AGBL3: variants seen among roughly 807,000 people sequenced by gnomAD.
The protein encoded by AGBL3 is AGBL carboxypeptidase 3.
AGBL3 carries 68 observed loss-of-function variants against 94.5 expected under a neutral mutation model. The observed-to-expected ratio is 0.72, with a 90% CI of 0.59 to 0.88. AGBL3 has a LOEUF of 0.88. AGBL3 is among the 40% of genes least tolerant of loss of function. The pLI, the probability that AGBL3 is intolerant of heterozygous loss-of-function variation, is 0.00. For synonymous variants in AGBL3, 354 were observed against 370.7 expected (o/e 0.95, Z 0.52); for missense variants, 934 against 1,103.8 (o/e 0.85, Z 2.18).
chr7:135,109,547 T>A (rs1370546953), intron 15 of AGBL3, among the ~76,000 whole-genome samples: 1 of 152,064 alleles, frequency 6.6e-6, no homozygotes, highest in African/African-American at 2.4e-5. Flanking sequence ...CACCTCGGAT[T>A]TTTCAGCACC....
At chr7:135,003,980 ATATT>A (rs1422640087) in intron 4 of AGBL3, among the ~76,000 whole-genome samples, 1 of 151,548 alleles carries the variant, frequency 6.6e-6, no homozygotes, top group Non-Finnish European at 1.5e-5. Context: ...CTGTCAAAAA[ATATT>A]TAATAATGTT....
intron 4 of AGBL3, 141 bp downstream of exon 4, chr7:134,993,819 TTTGC>T: frequency 1.3e-6 from 1 of 798,668 alleles, no homozygotes; most frequent in Non-Finnish European, 1.8e-6. Context: ...TAATTTTAAA[TTTGC>T]TTGTAGCCAC....
intron 15 of AGBL3, among the ~76,000 whole-genome samples, chr7:135,084,674 T>G (rs538583289): frequency 6.6e-6 from 1 of 152,258 alleles, no homozygotes; most frequent in Admixed American, 6.5e-5. Context: ...TGACAGAATT[T>G]TGTTCTTTTT....
chr7:135,121,064 G>C (rs977340855), intron 16 of AGBL3, among the ~76,000 whole-genome samples: 1 of 152,142 alleles, frequency 6.6e-6, no homozygotes, highest in Non-Finnish European at 1.5e-5. Context: ...AATTAGCCGG[G>C]TGTGGTGTCT....
chr7:135,034,404 C>G lies in AGBL3; in HGVS notation c.813C>G (p.Gly271=). The change falls in exon 7 of 17, where the codon GGC becomes GGG. Residue 271 remains glycine, a synonymous_variant. Coordinates refer to ENST00000436302, the MANE Select transcript of AGBL3 (RefSeq NM_178563.4). The part of the protein sequence containing the change: ...DQIKYYRNNP[G]QDGRHYFSLT... ...TCAAGTATTATAGGAACAACCCAGG[C>G]CAAGATGGGCGCCATTATTTCTCTC... The G allele has an allele frequency of 6.4e-7, 1 of 1,551,670 alleles. No individual in the cohort carries two copies. The highest frequency in any genetic ancestry group is 1.4e-5 in the African/African-American group (1 of 73,158).
Position 135,115,421 on chromosome 7 carries a change from T to C in AGBL3, c.2152T>C (p.Ser718Pro), listed in dbSNP as rs1376072864. ...AAAAAGCAAAATAAAAGAATGCATA[T>C]CTTTCCAAAGCAAGAAGACTGGCAT... ...NLKSKIKECI[S>P]FQSKKTGINW... is the part of the protein sequence containing the mutation. Residue 718 changes from serine to proline, a missense_variant, in exon 16 of 17, where the codon TCT becomes CCT. Coordinates refer to ENST00000436302, the MANE Select transcript of AGBL3 (RefSeq NM_178563.4). 4 of 1,551,252 alleles carry C rather than the reference T, an allele frequency of 2.6e-6. No homozygotes were observed. The Admixed American group carries it at 7.8e-5, about 30-fold the overall frequency.
chr7:135,048,524 TC>T (rs1817583086), intron 11 of AGBL3, among the ~76,000 whole-genome samples: 2 of 152,002 alleles, frequency 1.3e-5, no homozygotes, highest in African/African-American at 4.8e-5. Flanking sequence ...TTCTTTAATT[TC>T]TTTTATCAAT....
chr7:135,105,504 CTTGT>C (rs1467500367), intron 15 of AGBL3, among the ~76,000 whole-genome samples: 6 of 152,168 alleles, frequency 3.9e-5, no homozygotes, highest in African/African-American at 1.4e-4. Flanking sequence ...TTCCCCATTG[CTTGT>C]TTTTGTCAGA....
chr7:135,102,888 T>G (rs1345280816), intron 15 of AGBL3, among the ~76,000 whole-genome samples: 1 of 152,130 alleles, frequency 6.6e-6, no homozygotes. Context: ...CAAATAGTAC[T>G]CATAAACACC....
intron 12 of AGBL3, among the ~76,000 whole-genome samples, chr7:135,067,253 T>G (rs1584989569): frequency 6.6e-6 from 1 of 152,198 alleles, no homozygotes; most frequent in Non-Finnish European, 1.5e-5. Flanking sequence ...TCGAACTGGG[T>G]TGAGCCCACC....
chr7:135,105,362 G>A (rs564085942), intron 15 of AGBL3, among the ~76,000 whole-genome samples: 4 of 152,160 alleles, frequency 2.6e-5, no homozygotes, highest in East Asian at 1.9e-4. Context: ...AGGCCACTGC[G>A]CCCAACCTAC....
intron 11 of AGBL3, 149 bp from the exon 12 acceptor site, chr7:135,059,020 G>C: frequency 5.0e-6 from 3 of 601,910 alleles, no homozygotes; most frequent in Non-Finnish European, 8.6e-6. Flanking sequence ...GCCTCCCAAA[G>C]TACTCGGATT....
At chr7:135,109,397 C>G (rs1404105089) in intron 15 of AGBL3, among the ~76,000 whole-genome samples, 1 of 151,642 alleles carries the variant, frequency 6.6e-6, no homozygotes, top group Non-Finnish European at 1.5e-5. Flanking sequence ...CTCGATAGCC[C>G]CAGCAAGGAG....
At chr7:135,133,138 CAAGAT>C (rs1829028843) in intron 16 of AGBL3, among the ~76,000 whole-genome samples, 2 of 151,748 alleles carry the variant, frequency 1.3e-5, no homozygotes, top group Non-Finnish European at 2.9e-5. Flanking sequence ...CCTCAGAATA[CAAGAT>C]AAATGTACAA....
At chr7:134,995,875 A>C (rs1469261421) in intron 4 of AGBL3, among the ~76,000 whole-genome samples, 3 of 152,170 alleles carry the variant, frequency 2.0e-5, no homozygotes, top group Admixed American at 6.5e-5. Flanking sequence ...GCTGGTCCTC[A>C]AGCCAACTGG....
At chr7:134,992,148 G>A (rs1003258213) in intron 3 of AGBL3, among the ~76,000 whole-genome samples, 2 of 152,202 alleles carry the variant, frequency 1.3e-5, no homozygotes, top group East Asian at 3.8e-4. Flanking sequence ...TTTTACATGT[G>A]GTTGCTGGAT....
chr7:135,073,511 T>C (rs28864977), intron 12 of AGBL3, among the ~76,000 whole-genome samples: 2,764 of 49,628 alleles, frequency 0.056, 51 homozygotes, highest in Middle Eastern at 0.087. Context: ...AATAAATAAA[T>C]AAACCTTGCA....
intron 16 of AGBL3, among the ~76,000 whole-genome samples, chr7:135,129,864 A>T (rs1828480366): frequency 6.6e-6 from 1 of 152,230 alleles, no homozygotes; most frequent in East Asian, 1.9e-4. Flanking sequence ...GGGTGCATTC[A>T]TACATTTTTT....
At chr7:135,052,078 T>C (rs1817925936) in intron 11 of AGBL3, among the ~76,000 whole-genome samples, 1 of 152,160 alleles carries the variant, frequency 6.6e-6, no homozygotes, top group Admixed American at 6.6e-5. Flanking sequence ...CAAAAAAGTG[T>C]TGATTCTACC....
Sources: gnomAD v4.1 joint callset for allele counts (sites outside exome capture counted in the v4.1 genomes callset) on GRCh38, gnomAD v4.1.1 for gene constraint, MANE v1.5 for transcripts, NCBI Gene and HGNC (gene_info 2026-07-23, HGNC 2026-07-21) for gene names.